Variants in ADAR observed in about 807,000 individuals in gnomAD.
The protein encoded by ADAR is adenosine deaminase RNA specific, also known as double-stranded RNA-specific adenosine deaminase.
In ADAR, 41 loss-of-function variants were observed where a neutral mutation model predicts 113.2. That is an observed-to-expected ratio of 0.36 (90% confidence interval 0.28 to 0.47). ADAR has a LOEUF of 0.47. Ranked by LOEUF, ADAR falls within the 20% of genes least tolerant of loss-of-function variation. The probability of loss-of-function intolerance (pLI) is 1.00; values close to 1 mark genes in which losing one functional copy is unlikely to be tolerated. For missense variants in ADAR, 1,242 were observed against 1,540.9 expected (o/e 0.81, Z 3.25); for synonymous variants, 605 against 572.6 (o/e 1.06, Z -0.81).
intron 10 of ADAR, 107 bp downstream of exon 10, chr1:154,588,444 T>C: frequency 6.5e-7 from 1 of 1,539,858 alleles, no homozygotes; most frequent in Admixed American, 1.7e-5. Flanking sequence ...CACAGTGGAG[T>C]GTGGCTTATT....
At chr1:154,596,629 C>T (rs565236735) in intron 6 of ADAR, among the ~76,000 whole-genome samples, 176 bp downstream of exon 6, 1 of 152,124 alleles carries the variant, frequency 6.6e-6, no homozygotes, top group Non-Finnish European at 1.5e-5. Context: ...GAAGAGTGAA[C>T]GCATTCACTC....
intron 9 of ADAR, 149 bp from the exon 10 acceptor site, chr1:154,588,822 A>C: frequency 8.7e-7 from 1 of 1,143,300 alleles, no homozygotes; most frequent in Non-Finnish European, 1.3e-6. Flanking sequence ...TCCAGGGGAG[A>C]CCTCAGCATT....
At chr1:154,619,144 G>A (rs921650113) in intron 1 of ADAR, among the ~76,000 whole-genome samples, 5 of 152,148 alleles carry the variant, frequency 3.3e-5, no homozygotes, top group African/African-American at 1.2e-4. Flanking sequence ...AGTGGCCTAC[G>A]CTAGAACTAT....
intron 6 of ADAR, among the ~76,000 whole-genome samples, chr1:154,594,893 A>G (rs925100241): frequency 6.6e-6 from 1 of 152,262 alleles, no homozygotes; most frequent in Non-Finnish European, 1.5e-5. Flanking sequence ...TAAAAAGACA[A>G]AAGGGAAAAT....
intron 11 of ADAR, 58 bp from the exon 12 acceptor site, chr1:154,586,421 C>A (rs1031164663): frequency 2.6e-6 from 4 of 1,553,316 alleles, no homozygotes; most frequent in East Asian, 2.3e-5. Flanking sequence ...CACTCCCTGG[C>A]GTGGTTTCTA....
intron 1 of ADAR, among the ~76,000 whole-genome samples, chr1:154,615,349 A>G (rs1003080555): frequency 1.3e-5 from 2 of 152,342 alleles, no homozygotes; most frequent in Admixed American, 6.5e-5. Context: ...GCATTTGGGT[A>G]CATCAAAGGG....
At chr1:154,626,261 T>G (rs1698936367) in intron 1 of ADAR, among the ~76,000 whole-genome samples, 2 of 151,656 alleles carry the variant, frequency 1.3e-5, no homozygotes. Flanking sequence ...ATCACAGATG[T>G]GCACCATCAT....
At chr1:154,594,618 T>C (rs995700130) in intron 6 of ADAR, among the ~76,000 whole-genome samples, 8 of 152,186 alleles carry the variant, frequency 5.3e-5, no homozygotes, top group African/African-American at 1.9e-4. Flanking sequence ...CTAGTGCTCA[T>C]AAGTTTCACA....
Position 154,589,705 on chromosome 1 carries a change from G to A in ADAR, c.2668+52C>T, listed in dbSNP as rs1696996741. ...CATGGACTCCAGGGGAGGATGAGAG[G>A]CACCCGCTTTCAGGCGCCATGGGAG... On this transcript the variant is annotated intron_variant, in intron 8 of 14. Transcript: ENST00000368474. 6 of 1,610,216 alleles carry A rather than the reference G, an allele frequency of 3.7e-6. No homozygotes were observed. In the South Asian group the frequency reaches 5.5e-5, roughly 15 times the overall value.
intron 1 of ADAR, among the ~76,000 whole-genome samples, chr1:154,624,027 G>C (rs1454843376): frequency 6.0e-5 from 9 of 149,544 alleles, no homozygotes; most frequent in Admixed American, 5.3e-4. Context: ...AAAAAAAAAA[G>C]AAAAAGAAAG....
At chr1:154,613,516 C>T (rs2101685269) in intron 1 of ADAR, among the ~76,000 whole-genome samples, 1 of 151,202 alleles carries the variant, frequency 6.6e-6, no homozygotes, top group African/African-American at 2.4e-5. Flanking sequence ...AACTCCTGAT[C>T]TCAGGTGATC....
rs17843869 is a variant in ADAR at position 154,588,116 on chromosome 1, A to G, written c.3019+9T>C. 16 of 1,613,376 alleles carry G rather than the reference A, an allele frequency of 9.9e-6. No individual in the cohort carries two copies. Among genetic ancestry groups the G allele is most frequent in the Admixed American group, 3.3e-5 (2 of 60,002 alleles). ...TTGAGGAAAGGAGGCGGGGGCATGT[A>G]TCACTCACCGTTCTCCACCTTGGTG... On this transcript the variant is annotated intron_variant, in intron 11 of 14. Transcript: ENST00000368474.
At chr1:154,610,824 G>GAAAAAAAAAAAAAAAAAAAAAAAAAAAAA (rs1298389364), upstream of ADAR, among the ~76,000 whole-genome samples, 1 of 65,200 alleles carries the variant, frequency 1.5e-5, no homozygotes, top group Non-Finnish European at 2.7e-5. Flanking sequence ...AAAAAAAAAA[G>GAAAAAAAAAAAAAAAAAAAAAAAAAAAAA]AAAAAAAAAA....
intron 1 of ADAR, among the ~76,000 whole-genome samples, chr1:154,604,736 T>C (rs1463202107): frequency 2.0e-5 from 3 of 152,212 alleles, no homozygotes; most frequent in Admixed American, 1.3e-4. Context: ...CCACCCTTTA[T>C]ATAATCAGTC....
intron 6 of ADAR, 87 bp from the exon 7 acceptor site, chr1:154,590,496 A>G (rs1207611238): frequency 1.5e-6 from 2 of 1,316,358 alleles, no homozygotes; most frequent in African/African-American, 1.4e-5. Context: ...AGATGTGGCC[A>G]GTCTTGCAAA....
rs556522237 is a variant in ADAR, at chr1:154,585,517, C to T, written c.3316-173G>A. 5.0e-4 allele frequency: 485 copies of T among 972,306 alleles called. 2 individuals are homozygous for T. The African/African-American group carries it at 7.0e-3, about 14-fold the overall frequency. 60.2% of individuals were successfully genotyped at this position (972,306 alleles called of 1,614,324 possible). A position where few individuals can be genotyped will look rare whatever the true frequency, so the allele number is the denominator to read the frequency against. On this transcript the variant is annotated intron_variant, in intron 13 of 14. Coordinates refer to ENST00000368474, the MANE Select transcript of ADAR (RefSeq NM_001111.5). ...CCCTCTAGACATACTAACTCCACCTCGATTCAGATTAATTCCAGACTAAGA... is the reference window on the plus strand; with the variant it reads ...CCCTCTAGACATACTAACTCCACCTTGATTCAGATTAATTCCAGACTAAGA...
intron 14 of ADAR, 69 bp from the exon 15 acceptor site, chr1:154,585,112 G>A (rs1190840742): frequency 8.7e-6 from 14 of 1,611,072 alleles, no homozygotes; most frequent in South Asian, 2.2e-5. Context: ...TGGAGACACC[G>A]TGGGAGGGGA....
upstream of ADAR, chr1:154,608,329 C>CT (rs560819918): frequency 0.086 from 24,436 of 285,578 alleles, 27 homozygotes; most frequent in South Asian, 0.12. Flanking sequence ...ACGGAAGGTA[C>CT]TTTTTTTTTT....
chr1:154,586,756 GAGTA>G (rs1452239625), intron 11 of ADAR, among the ~76,000 whole-genome samples: 1 of 152,130 alleles, frequency 6.6e-6, no homozygotes, highest in Non-Finnish European at 1.5e-5. Context: ...AGGACAGCTG[GAGTA>G]AGTGTTTCAG....
Sources: allele counts gnomAD v4.1 joint callset (sites outside exome capture counted in the v4.1 genomes callset), GRCh38; gene constraint gnomAD v4.1.1; transcripts MANE v1.5; gene names NCBI Gene and HGNC (gene_info 2026-07-23, HGNC 2026-07-21).